The following TACR1 variants were observed in gnomAD, a reference collection of about 807,000 sequenced individuals.
The protein encoded by TACR1 is substance-P receptor.
A neutral mutation model predicts 35.8 loss-of-function variants in TACR1; 25 were observed. The observed-to-expected ratio is 0.70, with a 90% CI of 0.51 to 0.98. The LOEUF is 0.98. Among genes scored for constraint, TACR1 ranks in the 50% least tolerant of loss-of-function variants. The pLI, the probability that TACR1 is intolerant of heterozygous loss-of-function variation, is 0.00. For synonymous variants in TACR1, 195 were observed against 206.7 expected (o/e 0.94, Z 0.48); for missense variants, 478 against 522.9 (o/e 0.91, Z 0.84).
At chr2:75,062,217 C>T (rs1430322233) in intron 2 of TACR1, among the ~76,000 whole-genome samples, 2 of 152,042 alleles carry the variant, frequency 1.3e-5, no homozygotes, top group Admixed American at 1.3e-4. Context: ...TTACCTCTTT[C>T]TTCTTTAATA....
intron 1 of TACR1, among the ~76,000 whole-genome samples, chr2:75,136,960 G>T (rs1377797946): frequency 6.6e-6 from 1 of 152,164 alleles, no homozygotes; most frequent in Non-Finnish European, 1.5e-5. Flanking sequence ...TTAGGCCGGG[G>T]TCTCAATCAG....
chr2:75,094,907 A>C (rs1017889647), intron 2 of TACR1, among the ~76,000 whole-genome samples: 1 of 146,508 alleles, frequency 6.8e-6, no homozygotes, highest in Non-Finnish European at 1.5e-5. Flanking sequence ...CTAGAATATG[A>C]CTGGAATCAT....
chr2:75,075,750 A>G (rs2103823445), intron 2 of TACR1, among the ~76,000 whole-genome samples: 1 of 152,174 alleles, frequency 6.6e-6, no homozygotes, highest in Non-Finnish European at 1.5e-5. Flanking sequence ...TTTGTTAGAG[A>G]CATATGTGAA....
chr2:75,154,401 A>AGTGCGCGCGCGCGCGCGC (rs1553380901), intron 1 of TACR1: 1 of 76,444 alleles, frequency 1.3e-5, no homozygotes, highest in Admixed American at 1.3e-4. Context: ...ATCAGCCAAG[A>AGTGCGCGCGCGCGCGCGC]GCGCGCACGC....
At chr2:75,111,381 T>C (rs1470034668) in intron 2 of TACR1, among the ~76,000 whole-genome samples, 1 of 152,050 alleles carries the variant, frequency 6.6e-6, no homozygotes, top group Non-Finnish European at 1.5e-5. Context: ...ATATGTTTTA[T>C]GGATAATACT....
intron 2 of TACR1, among the ~76,000 whole-genome samples, chr2:75,117,733 A>C (rs921190639): frequency 6.6e-6 from 1 of 152,256 alleles, no homozygotes; most frequent in African/African-American, 2.4e-5. Context: ...ACATGTGCTC[A>C]GAACACCTAC....
At chr2:75,147,833 TC>T (rs371811785) in intron 1 of TACR1, among the ~76,000 whole-genome samples, 17 of 151,508 alleles carry the variant, frequency 1.1e-4, no homozygotes, top group East Asian at 7.8e-4. Flanking sequence ...AACCTCTGCC[TC>T]CCCAGGTTCA....
At chr2:75,156,214 G>C (rs1674848995) in intron 1 of TACR1, 1 of 152,084 alleles carries the variant, frequency 6.6e-6, no homozygotes. Flanking sequence ...AAGAGGAGAA[G>C]AGACATACAG....
At chr2:75,134,856 T>C (rs549854748) in intron 1 of TACR1, among the ~76,000 whole-genome samples, 16 of 152,270 alleles carry the variant, frequency 1.1e-4, no homozygotes, top group Non-Finnish European at 1.9e-4. Context: ...GGCAGAGATG[T>C]TGACTCTCAG....
intron 2 of TACR1, among the ~76,000 whole-genome samples, chr2:75,092,502 A>T (rs1449533013): frequency 6.6e-6 from 1 of 152,164 alleles, no homozygotes; most frequent in Non-Finnish European, 1.5e-5. Flanking sequence ...TAGAAGAATG[A>T]TTCAGAGAGA....
At chr2:75,073,708 G>T (rs1672924513) in intron 2 of TACR1, among the ~76,000 whole-genome samples, 1 of 152,176 alleles carries the variant, frequency 6.6e-6, no homozygotes, top group Admixed American at 6.5e-5. Context: ...TGGAGACCAG[G>T]CACAGAGAAG....
intron 1 of TACR1, among the ~76,000 whole-genome samples, chr2:75,134,899 G>A (rs1208370980): frequency 1.3e-5 from 2 of 152,218 alleles, no homozygotes; most frequent in East Asian, 3.8e-4. Context: ...AGAGGATTGA[G>A]TGAGGAAAGA....
At chr2:75,188,881 A>C (rs1675773415) in intron 1 of TACR1, 1 of 152,220 alleles carries the variant, frequency 6.6e-6, no homozygotes. Context: ...AACACATACT[A>C]CAATATTTTT....
intron 1 of TACR1, among the ~76,000 whole-genome samples, chr2:75,170,387 A>G (rs925505347): frequency 6.6e-6 from 1 of 152,230 alleles, no homozygotes; most frequent in Admixed American, 6.5e-5. Context: ...CTGTGAGTCA[A>G]TTAAACCTCT....
chr2:75,192,146 G>T (rs1003338020), intron 1 of TACR1, among the ~76,000 whole-genome samples: 3 of 152,098 alleles, frequency 2.0e-5, no homozygotes, highest in Admixed American at 2.0e-4. Flanking sequence ...CAGAGTGATG[G>T]TAGTAAGGTA....
At chr2:75,165,705 T>C (rs2216307) in intron 1 of TACR1, among the ~76,000 whole-genome samples, 103,455 of 151,982 alleles carry the variant, frequency 0.68, 35,455 homozygotes, top group Admixed American at 0.74. Flanking sequence ...TCATAAAATA[T>C]GGTGCGCCCA....
chr2:75,174,562 A>G (rs1042837701), intron 1 of TACR1, among the ~76,000 whole-genome samples: 2 of 152,212 alleles, frequency 1.3e-5, no homozygotes, highest in African/African-American at 4.8e-5. Context: ...AAAATTTTCC[A>G]TTTAATATTT....
intron 2 of TACR1, among the ~76,000 whole-genome samples, chr2:75,062,566 C>T (rs189710522): frequency 2.0e-3 from 301 of 152,224 alleles, no homozygotes; most frequent in Non-Finnish European, 3.2e-3. Flanking sequence ...TTCTTCTATT[C>T]GGGACATTTG....
chr2:75,157,221 T>G (rs533078980), intron 1 of TACR1, among the ~76,000 whole-genome samples: 2 of 152,204 alleles, frequency 1.3e-5, no homozygotes, highest in African/African-American at 4.8e-5. Flanking sequence ...AACTGAGACT[T>G]GGAGGAAAGC....
Sources: allele counts gnomAD v4.1 joint callset (sites outside exome capture counted in the v4.1 genomes callset), GRCh38; gene constraint gnomAD v4.1.1; transcripts MANE v1.5; gene names NCBI Gene and HGNC (gene_info 2026-07-23, HGNC 2026-07-21).